Variants in EPS15 observed in about 807,000 individuals in gnomAD.
EPS15 encodes epidermal growth factor receptor substrate 15.
Under a neutral mutation model 113.8 loss-of-function variants are expected in EPS15, and 72 were observed. That is an observed-to-expected ratio of 0.63 (90% confidence interval 0.52 to 0.77). EPS15 has a LOEUF of 0.77. Ranked by LOEUF, EPS15 falls within the 30% of genes least tolerant of loss-of-function variation. EPS15 has a pLI of 0.00. For missense variants in EPS15, 1,048 were observed against 1,045.8 expected, an observed-to-expected ratio of 1.00 and a Z score of -0.03; for synonymous variants, 344 against 363.4, an observed-to-expected ratio of 0.95 and a Z score of 0.61.
At chr1:51,407,993 C>CA (rs1429737146) in intron 15 of EPS15, 142 bp downstream of exon 15, 12 of 696,376 alleles carry the variant, frequency 1.7e-5, no homozygotes, top group Admixed American at 1.2e-4. Context: ...TAACAGGTGA[C>CA]AAAAAAACCT....
intron 1 of EPS15, among the ~76,000 whole-genome samples, chr1:51,510,458 A>G (rs1019001358): frequency 6.6e-6 from 1 of 152,218 alleles, no homozygotes; most frequent in Non-Finnish European, 1.5e-5. Flanking sequence ...AAGTGAAATA[A>G]TGTATGTAGA....
intron 2 of EPS15, among the ~76,000 whole-genome samples, chr1:51,478,932 G>C (rs983502716): frequency 3.9e-5 from 6 of 152,022 alleles, no homozygotes; most frequent in African/African-American, 1.4e-4. Context: ...CAATTATGTG[G>C]TCTTGGAGTT....
At chr1:51,424,712 T>C (rs1374634048) in intron 12 of EPS15, among the ~76,000 whole-genome samples, 1 of 152,000 alleles carries the variant, frequency 6.6e-6, no homozygotes, top group Admixed American at 6.6e-5. Flanking sequence ...GAGACCAGCC[T>C]GGCCAATGTG....
rs1653220937 is a variant in EPS15 at position 51,448,148 on chromosome 1, T to C, written c.562-13A>G. ...CCAAAAACATGGCCTTCAAAATAAA[T>C]GAACCAGGGTCATATATATTAAAAG... is the stretch of plus-strand genomic sequence containing the variant. On this transcript the variant is annotated splice_polypyrimidine_tract_variant and intron_variant, in intron 8 of 24. Coordinates refer to ENST00000371733, the MANE Select transcript of EPS15 (RefSeq NM_001981.3). 4.5e-6 allele frequency: 7 copies of C among 1,562,186 alleles called. No individual in the cohort carries two copies. The highest frequency in any genetic ancestry group is 5.3e-6 in the Non-Finnish European group (6 of 1,133,846).
chr1:51,440,549 CT>C, intron 11 of EPS15, 117 bp from the exon 12 acceptor site: 1 of 399,110 alleles, frequency 2.5e-6, no homozygotes, highest in South Asian at 7.3e-5. Context: ...TACTGTATTA[CT>C]GAGATTTTTA....
Position 51,452,554 on chromosome 1 carries a change from T to C in EPS15, c.562-4419A>G, listed in dbSNP as rs534287277. On this transcript the variant is annotated intron_variant, in intron 8 of 24. Transcript: ENST00000371733. ...CACACCCAACCCCTCAATTTATTTATTGAGCACTCAATGCAACAACATTCA... is the reference window on the plus strand; with the variant it reads ...CACACCCAACCCCTCAATTTATTTACTGAGCACTCAATGCAACAACATTCA... 2.6e-5 allele frequency among the ~76,000 whole-genome samples: 4 copies of C among 152,314 alleles called. No individual in the cohort carries two copies. In the South Asian group the frequency reaches 8.3e-4, roughly 32 times the overall value.
At chr1:51,461,501 C>T (rs148050662) in intron 7 of EPS15, among the ~76,000 whole-genome samples, 8 of 124,220 alleles carry the variant, frequency 6.4e-5, no homozygotes, top group Middle Eastern at 8.3e-3. Flanking sequence ...GCCTGGGCAA[C>T]GGAGCTAGAC....
At chr1:51,368,006 C>T (rs947832517) in intron 21 of EPS15, among the ~76,000 whole-genome samples, 4 of 152,170 alleles carry the variant, frequency 2.6e-5, no homozygotes, top group African/African-American at 9.7e-5. Context: ...GTGGCACACG[C>T]CTGTAATCTC....
chr1:51,407,176 C>T (rs554002755), intron 15 of EPS15, among the ~76,000 whole-genome samples: 1 of 152,078 alleles, frequency 6.6e-6, no homozygotes, highest in South Asian at 2.1e-4. Context: ...ACTCCATGAT[C>T]TCTGTGTTTC....
intron 4 of EPS15, 33 bp downstream of exon 4, chr1:51,471,657 A>C (rs201630612): frequency 7.9e-7 from 1 of 1,258,288 alleles, no homozygotes; most frequent in East Asian, 2.6e-5. Flanking sequence ...TGAATCACTC[A>C]AAAAAAAAAT....
chr1:51,426,817 G>GTCTCTCTCTCTC (rs35528783), intron 12 of EPS15, among the ~76,000 whole-genome samples: 1 of 145,734 alleles, frequency 6.9e-6, no homozygotes, highest in African/African-American at 2.6e-5. Context: ...AAATAAATCT[G>GTCTCTCTCTCTC]TCTCTCTCTC....
At chr1:51,418,009 A>G (rs1650401416) in intron 13 of EPS15, among the ~76,000 whole-genome samples, 1 of 152,208 alleles carries the variant, frequency 6.6e-6, no homozygotes, top group South Asian at 2.1e-4. Context: ...TGGAGTGAGT[A>G]CTTCTGATAT....
intron 12 of EPS15, among the ~76,000 whole-genome samples, chr1:51,427,154 T>C (rs1334772085): frequency 6.6e-6 from 1 of 152,168 alleles, no homozygotes; most frequent in African/African-American, 2.4e-5. Context: ...GTTTACATAG[T>C]AGATGCTAAA....
At chr1:51,502,866 G>A (rs932743274) in intron 1 of EPS15, among the ~76,000 whole-genome samples, 7 of 151,892 alleles carry the variant, frequency 4.6e-5, no homozygotes, top group Non-Finnish European at 5.9e-5. Flanking sequence ...TTAGCTGGGC[G>A]TGGTGGGGGC....
intron 15 of EPS15, among the ~76,000 whole-genome samples, 174 bp from the exon 16 acceptor site, chr1:51,406,282 C>T (rs1178707135): frequency 6.6e-6 from 1 of 152,082 alleles, no homozygotes; most frequent in Non-Finnish European, 1.5e-5. Context: ...TCAAGACCAG[C>T]CTGAGCAACA....
intron 21 of EPS15, among the ~76,000 whole-genome samples, chr1:51,384,240 C>A (rs1261557800): frequency 6.6e-6 from 1 of 150,876 alleles, no homozygotes; most frequent in Non-Finnish European, 1.5e-5. Context: ...TCCTAAAATT[C>A]ATATGGAATC....
At chr1:51,508,954 C>A (rs1255250265) in intron 1 of EPS15, among the ~76,000 whole-genome samples, 1 of 152,128 alleles carries the variant, frequency 6.6e-6, no homozygotes, top group South Asian at 2.1e-4. Context: ...TCCTATAAAA[C>A]CATTAAATAA....
At position 51,440,376 on chromosome 1, in the gene EPS15, A is replaced by G. The variant is rs114906871; in HGVS notation, c.1011T>C (p.Thr337=). The G allele has an allele frequency of 3.5e-4, 549 of 1,589,680 alleles. 1 individual carries two copies. The highest frequency in any genetic ancestry group is 2.9e-4 in the Non-Finnish European group (334 of 1,164,028). ...GTAGGTCAACTATTTCATTGTTAAGAGTATCTAGTTCCTTAATAGCAGAGA... is the reference window on the plus strand; with the variant it reads ...GTAGGTCAACTATTTCATTGTTAAGGGTATCTAGTTCCTTAATAGCAGAGA... ...ADFSAIKELD[T]LNNEIVDLQR... The change falls in exon 12 of 25, where the codon ACT becomes ACC. Residue 337 remains threonine, a synonymous_variant. Coordinates refer to ENST00000371733, the MANE Select transcript of EPS15 (RefSeq NM_001981.3).
At chr1:51,422,158 T>C in intron 12 of EPS15, 4 of 632,984 alleles carry the variant, frequency 6.3e-6, no homozygotes, top group Non-Finnish European at 6.4e-6. Flanking sequence ...TCACTGTTGC[T>C]ATGGAAATAG....
Sources: allele counts gnomAD v4.1 joint callset (sites outside exome capture counted in the v4.1 genomes callset), GRCh38; gene constraint gnomAD v4.1.1; transcripts MANE v1.5; gene names NCBI Gene and HGNC (gene_info 2026-07-23, HGNC 2026-07-21).